Variants in UGT1A10 observed in about 807,000 individuals in gnomAD.
UGT1A10 encodes the protein UDP glucuronosyltransferase family 1 member A10, also known as UDP-glucuronosyltransferase 1A10.
Under a neutral mutation model 45.8 loss-of-function variants are expected in UGT1A10, and 49 were observed. The observed-to-expected ratio is 1.07, with a 90% confidence interval of 0.85 to 1.36. The LOEUF is 1.36. Among genes scored for constraint, UGT1A10 ranks in the 40% most tolerant of loss-of-function variants. The probability of loss-of-function intolerance (pLI) is 0.00; values close to 1 mark genes in which losing one functional copy is unlikely to be tolerated. For synonymous variants in UGT1A10, 284 were observed against 249.7 expected (o/e 1.14, Z -1.29); for missense variants, 745 against 668.6 (o/e 1.11, Z -1.26).
chr2:233,724,376 G>T (rs1373227000), intron 1 of UGT1A10, among the ~76,000 whole-genome samples: 1 of 128,002 alleles, frequency 7.8e-6, no homozygotes, highest in African/African-American at 3.0e-5. Context: ...GGTGGCTGCC[G>T]GGCGGAGACG....
At chr2:233,757,996 G>A (rs1283053309) in intron 1 of UGT1A10, among the ~76,000 whole-genome samples, 1 of 152,032 alleles carries the variant, frequency 6.6e-6, no homozygotes, top group East Asian at 1.9e-4. Flanking sequence ...CCCTGTAATT[G>A]CCTGGTCATG....
At chr2:233,749,016 A>G (rs182702501) in intron 1 of UGT1A10, among the ~76,000 whole-genome samples, 47 of 151,794 alleles carry the variant, frequency 3.1e-4, no homozygotes, top group Non-Finnish European at 5.9e-4. Flanking sequence ...TCTTTAATCC[A>G]GAATATTTGG....
At chr2:233,693,704 T>A in intron 1 of UGT1A10, 1 of 1,614,252 alleles carries the variant, frequency 6.2e-7, no homozygotes, top group Non-Finnish European at 8.5e-7. Context: ...AGAACTCGCA[T>A]CAGCTGTCCT....
intron 1 of UGT1A10, chr2:233,760,446 G>T (rs149071335): frequency 6.2e-7 from 1 of 1,614,210 alleles, no homozygotes; most frequent in Non-Finnish European, 8.5e-7. Flanking sequence ...TGCAGCAGAG[G>T]GGACATGAAA....
intron 1 of UGT1A10, among the ~76,000 whole-genome samples, chr2:233,758,507 A>T (rs1490366523): frequency 6.6e-6 from 1 of 152,224 alleles, no homozygotes; most frequent in Non-Finnish European, 1.5e-5. Flanking sequence ...TCTAATAAGG[A>T]CACAACAAAG....
chr2:233,643,019 G>T (rs2073496059), intron 1 of UGT1A10, among the ~76,000 whole-genome samples: 1 of 152,124 alleles, frequency 6.6e-6, no homozygotes, highest in Non-Finnish European at 1.5e-5. Context: ...CACAGCTCTG[G>T]GTCTCACCCA....
chr2:233,669,407 A>C (rs1356896711), intron 1 of UGT1A10, among the ~76,000 whole-genome samples: 2 of 152,242 alleles, frequency 1.3e-5, no homozygotes, highest in Non-Finnish European at 2.9e-5. Context: ...CAACTAAGGA[A>C]AAATAACATT....
chr2:233,757,535 A>AATATATATACATATACATATATATAT lies in UGT1A10; in HGVS notation c.856-9490_856-9489insCATATACATATATATATATATATATA, dbSNP rs376887521. On this transcript the variant is annotated intron_variant, in intron 1 of 4. Transcript: ENST00000344644. ...CAAAGCCAAAATCTTGCCTGTAAGG[A>AATATATATACATATACATATATATAT]ATATATATATATATATATATATATA... 7.4e-3 allele frequency among the ~76,000 whole-genome samples: 638 copies of AATATATATACATATACATATATATAT among 85,730 alleles called. 7 individuals carry two copies. Among genetic ancestry groups the AATATATATACATATACATATATATAT allele is most frequent in the African/African-American group, 0.011 (216 of 19,360 alleles). 56.2% of individuals were successfully genotyped at this position (85,730 alleles called of 152,430 possible).
intron 1 of UGT1A10, among the ~76,000 whole-genome samples, chr2:233,698,816 G>GGAA (rs2075464493): frequency 6.6e-6 from 1 of 152,238 alleles, no homozygotes; most frequent in African/African-American, 2.4e-5. Context: ...CTCGCCTTGT[G>GGAA]GAAGAGTAAG....
intron 1 of UGT1A10, chr2:233,729,538 A>G: frequency 6.2e-7 from 1 of 1,614,196 alleles, no homozygotes; most frequent in Non-Finnish European, 8.5e-7. Context: ...TGAGGCCCTG[A>G]TCAGGCACCT....
intron 1 of UGT1A10, among the ~76,000 whole-genome samples, chr2:233,638,732 T>C (rs2073370842): frequency 6.6e-6 from 1 of 152,226 alleles, no homozygotes; most frequent in Non-Finnish European, 1.5e-5. Context: ...CAGTAGACTT[T>C]GTAACACAGT....
At chr2:233,716,361 T>C (rs527757463) in intron 1 of UGT1A10, among the ~76,000 whole-genome samples, 4 of 152,352 alleles carry the variant, frequency 2.6e-5, no homozygotes, top group Admixed American at 2.0e-4. Flanking sequence ...AGATACTTTG[T>C]GGGGCTGTGA....
chr2:233,686,821 T>G, intron 1 of UGT1A10, among the ~76,000 whole-genome samples: 1 of 152,154 alleles, frequency 6.6e-6, no homozygotes, highest in East Asian at 1.9e-4. Context: ...CCTACCTATT[T>G]TATTCCTCTT....
At chr2:233,697,567 A>T (rs1248890446) in intron 1 of UGT1A10, among the ~76,000 whole-genome samples, 1 of 148,818 alleles carries the variant, frequency 6.7e-6, no homozygotes, top group African/African-American at 2.5e-5. Context: ...GCCTCAATTT[A>T]ATTTATTTTT....
At chr2:233,690,403 A>G in intron 1 of UGT1A10, 1 of 1,165,082 alleles carries the variant, frequency 8.6e-7, no homozygotes, top group Non-Finnish European at 1.1e-6. Context: ...TCCTATTCCC[A>G]ACATGAAATT....
At chr2:233,670,670 A>G (rs1267117291) in intron 1 of UGT1A10, among the ~76,000 whole-genome samples, 1 of 152,138 alleles carries the variant, frequency 6.6e-6, no homozygotes, top group Non-Finnish European at 1.5e-5. Flanking sequence ...TTTCTCACAG[A>G]TTCATATCTT....
chr2:233,646,710 G>A (rs2073612441), intron 1 of UGT1A10, among the ~76,000 whole-genome samples: 1 of 152,078 alleles, frequency 6.6e-6, no homozygotes, highest in Non-Finnish European at 1.5e-5. Context: ...GGACTTTATT[G>A]TCCATATTGC....
At chr2:233,639,893 T>C (rs906908599) in intron 1 of UGT1A10, among the ~76,000 whole-genome samples, 8 of 152,208 alleles carry the variant, frequency 5.3e-5, no homozygotes, top group African/African-American at 1.9e-4. Context: ...CAGCAGAACA[T>C]TGAAATAGTT....
intron 1 of UGT1A10, chr2:233,721,804 A>G: frequency 1.9e-6 from 1 of 514,924 alleles, no homozygotes; most frequent in South Asian, 1.4e-5. Flanking sequence ...CACATGCAGC[A>G]AAAATCCAGC....
Sources: gnomAD v4.1 joint callset for allele counts (sites outside exome capture counted in the v4.1 genomes callset) on GRCh38, gnomAD v4.1.1 for gene constraint, MANE v1.5 for transcripts, NCBI Gene and HGNC (gene_info 2026-07-23, HGNC 2026-07-21) for gene names.